Variants in BMERB1 observed in about 807,000 individuals in gnomAD.
BMERB1 encodes bMERB domain containing 1.
A neutral mutation model predicts 23.6 loss-of-function variants in BMERB1; 12 were observed. The ratio of observed to expected loss-of-function variants is 0.51; its 90% CI spans 0.33 to 0.82. BMERB1 has a LOEUF of 0.82. BMERB1 is among the 40% of genes least tolerant of loss of function. The probability of loss-of-function intolerance (pLI) is 0.03; values close to 1 mark genes in which losing one functional copy is unlikely to be tolerated. For missense variants in BMERB1, 247 were observed against 255.4 expected (o/e 0.97, Z 0.22); for synonymous variants, 122 against 96.6 (o/e 1.26, Z -1.54).
intron 1 of BMERB1, among the ~76,000 whole-genome samples, chr16:15,505,054 G>A (rs1004265253): frequency 2.6e-4 from 40 of 152,220 alleles, no homozygotes; most frequent in African/African-American, 8.9e-4. Context: ...GCTGAGAATT[G>A]TCCTTCTAGC....
chr16:15,502,494 C>T (rs2051540785), intron 1 of BMERB1: 4 of 889,616 alleles, frequency 4.5e-6, no homozygotes, highest in African/African-American at 3.3e-5. Flanking sequence ...GAAACGGTGA[C>T]TCATTAAAAG....
chr16:15,580,095 ATTT>A (rs35772701), intron 3 of BMERB1, among the ~76,000 whole-genome samples: 3 of 140,908 alleles, frequency 2.1e-5, no homozygotes, highest in African/African-American at 7.9e-5. Context: ...TGCCCTCTCA[ATTT>A]TTTTTTTTTT....
At chr16:15,552,106 G>A (rs1396039899) in intron 2 of BMERB1, among the ~76,000 whole-genome samples, 1 of 152,068 alleles carries the variant, frequency 6.6e-6, no homozygotes, top group Non-Finnish European at 1.5e-5. Context: ...AGGACTATGT[G>A]TCTCATTCTA....
intron 1 of BMERB1, among the ~76,000 whole-genome samples, chr16:15,449,096 C>T (rs747376874): frequency 3.9e-5 from 6 of 152,204 alleles, no homozygotes; most frequent in Non-Finnish European, 5.9e-5. Context: ...CGTTAAATAA[C>T]TGGTCCGTTT....
chr16:15,511,842 T>C (rs1487048767), intron 1 of BMERB1, among the ~76,000 whole-genome samples: 1 of 151,708 alleles, frequency 6.6e-6, no homozygotes, highest in African/African-American at 2.4e-5. Context: ...CGAAACCCTG[T>C]CTCTACTAAA....
chr16:15,576,338 C>T (rs958180384), intron 3 of BMERB1, among the ~76,000 whole-genome samples: 3 of 152,100 alleles, frequency 2.0e-5, no homozygotes, highest in Non-Finnish European at 2.9e-5. Context: ...TGAGCCACCG[C>T]GCCTAGCCGA....
intron 1 of BMERB1, among the ~76,000 whole-genome samples, chr16:15,448,989 A>ATTTTG (rs1291480079): frequency 2.0e-5 from 3 of 152,136 alleles, no homozygotes; most frequent in Non-Finnish European, 4.4e-5. Flanking sequence ...ACACACCTTA[A>ATTTTG]ATTTTTGATT....
At chr16:15,577,542 A>G (rs1038463033) in intron 3 of BMERB1, among the ~76,000 whole-genome samples, 2 of 152,238 alleles carry the variant, frequency 1.3e-5, no homozygotes, top group Non-Finnish European at 2.9e-5. Flanking sequence ...TAGAGCAGGA[A>G]TGAAAGGCAG....
intron 4 of BMERB1, among the ~76,000 whole-genome samples, chr16:15,581,570 A>C (rs534762493): frequency 1.3e-5 from 2 of 152,352 alleles, no homozygotes; most frequent in Non-Finnish European, 2.9e-5. Flanking sequence ...GGAAGTGACC[A>C]GGGAGGAGTC....
intron 1 of BMERB1, among the ~76,000 whole-genome samples, chr16:15,499,410 T>TA (rs1259515236): frequency 1.3e-5 from 2 of 149,660 alleles, no homozygotes; most frequent in African/African-American, 4.9e-5. Context: ...AAAATAAAAA[T>TA]AAAAAACAAA....
At chr16:15,467,855 A>C (rs898837119) in intron 1 of BMERB1, among the ~76,000 whole-genome samples, 1 of 152,186 alleles carries the variant, frequency 6.6e-6, no homozygotes, top group Non-Finnish European at 1.5e-5. Flanking sequence ...ATGTACATTG[A>C]TTTGGTCCAG....
rs557606495 is a variant in BMERB1, at chr16:15,547,419, G to A, written c.231-20564G>A. 3.8e-4 allele frequency among the ~76,000 whole-genome samples: 56 copies of A among 149,264 alleles called. 1 individual carries two copies. Among genetic ancestry groups the A allele is most frequent in the African/African-American group, 1.3e-3 (52 of 40,392 alleles). ...TGCAATGGCAGGATCTCGGCTCACT[G>A]CAACCTCCGCCTCCCAGGTTCAAGC... On this transcript the variant is annotated intron_variant, in intron 2 of 5. Coordinates refer to ENST00000300006, the MANE Select transcript of BMERB1 (RefSeq NM_033201.3).
At chr16:15,504,981 T>C (rs1041541638) in intron 1 of BMERB1, among the ~76,000 whole-genome samples, 4 of 152,078 alleles carry the variant, frequency 2.6e-5, no homozygotes, top group African/African-American at 9.7e-5. Flanking sequence ...CTTTGTTATA[T>C]GAGCTGGGTT....
rs758305078 is a variant in BMERB1 at position 15,434,773 on chromosome 16, C to A, written c.106+14C>A. 6 of 622,934 alleles carry A rather than the reference C, an allele frequency of 9.6e-6. No individual in the cohort carries two copies. In the African/African-American group the frequency reaches 2.2e-4, roughly 22 times the overall value. 38.6% of individuals were successfully genotyped at this position (622,934 alleles called of 1,614,324 possible). ...GACTGGGGAGAAGTGAGTACTGGGG[C>A]GGGGGGCGGGGGGCCGGGGACAGCT... On this transcript the variant is annotated intron_variant, in intron 1 of 5. Coordinates refer to ENST00000300006, the MANE Select transcript of BMERB1 (RefSeq NM_033201.3).
At chr16:15,508,220 A>T (rs148877357) in intron 1 of BMERB1, among the ~76,000 whole-genome samples, 75 of 152,292 alleles carry the variant, frequency 4.9e-4, no homozygotes, top group African/African-American at 1.7e-3. Flanking sequence ...TAAATGCTCG[A>T]TAAATGTTAG....
intron 1 of BMERB1, among the ~76,000 whole-genome samples, chr16:15,513,900 G>GA (rs750599327): frequency 1.3e-5 from 2 of 149,900 alleles, no homozygotes; most frequent in Non-Finnish European, 3.0e-5. Flanking sequence ...TCTCAAAAAA[G>GA]AAAAAAAAGT....
At chr16:15,562,371 T>A (rs1199519085) in intron 2 of BMERB1, among the ~76,000 whole-genome samples, 1 of 151,814 alleles carries the variant, frequency 6.6e-6, no homozygotes, top group Non-Finnish European at 1.5e-5. Context: ...AGGAAGTCAC[T>A]GTACCATGGC....
intron 2 of BMERB1, among the ~76,000 whole-genome samples, chr16:15,565,771 G>A (rs1344580493): frequency 6.6e-6 from 1 of 152,206 alleles, no homozygotes; most frequent in East Asian, 1.9e-4. Context: ...GAGGTGGGAA[G>A]ATCACTTGAG....
chr16:15,570,611 A>T (rs1236686239), intron 3 of BMERB1, among the ~76,000 whole-genome samples: 1 of 152,152 alleles, frequency 6.6e-6, no homozygotes, highest in Non-Finnish European at 1.5e-5. Flanking sequence ...TCTTGGACCA[A>T]GAGCAAGAAA....
Sources: allele counts gnomAD v4.1 joint callset (sites outside exome capture counted in the v4.1 genomes callset), GRCh38; gene constraint gnomAD v4.1.1; transcripts MANE v1.5; gene names NCBI Gene and HGNC (gene_info 2026-07-23, HGNC 2026-07-21).